Variants in TRAK1 observed in about 807,000 individuals in gnomAD.
The protein encoded by TRAK1 is trafficking kinesin-binding protein 1.
A neutral mutation model predicts 92.1 loss-of-function variants in TRAK1; 33 were observed. The observed-to-expected ratio is 0.36, with a 90% CI of 0.27 to 0.48. The LOEUF is 0.48. Among genes scored for constraint, TRAK1 ranks in the 20% least tolerant of loss-of-function variants. The pLI is 0.99. For synonymous variants in TRAK1, 521 were observed against 517.3 expected (o/e 1.01, Z -0.10); for missense variants, 1,123 against 1,257.9 (o/e 0.89, Z 1.62).
chr3:42,097,773 A>G (rs991901826), intron 1 of TRAK1, among the ~76,000 whole-genome samples: 2 of 152,174 alleles, frequency 1.3e-5, no homozygotes, highest in African/African-American at 4.8e-5. Context: ...TGAACTTTAT[A>G]TCAAGGACTC....
chr3:42,184,491 G>A (rs1480338939), intron 3 of TRAK1, among the ~76,000 whole-genome samples, 194 bp from the exon 4 acceptor site: 1 of 152,098 alleles, frequency 6.6e-6, no homozygotes, highest in African/African-American at 2.4e-5. Context: ...TGATGTCTGT[G>A]TAGCTCTCAC....
chr3:42,224,265 T>C lies in TRAK1; in HGVS notation c.*528T>C. On this transcript the variant is annotated 3_prime_UTR_variant, in exon 16 of 16. Transcript: ENST00000327628. ...GACGTGGCTTTCCTGATCGGAGGGC[T>C]TTTCTTTTATGGGTGGCCCAGCTTC... 3.0e-6 allele frequency: 1 copy of C among 330,434 alleles called. No individual in the cohort carries two copies. The highest frequency in any genetic ancestry group is 5.8e-6 in the Non-Finnish European group (1 of 171,908). The allele number at this position is 330,434 out of a possible 1,614,324, so 20.5% of individuals were successfully genotyped here. A position where few individuals can be genotyped will look rare whatever the true frequency, so the allele number is the denominator to read the frequency against.
chr3:42,100,383 A>G (rs1706575255), intron 1 of TRAK1, among the ~76,000 whole-genome samples: 1 of 152,244 alleles, frequency 6.6e-6, no homozygotes, highest in Non-Finnish European at 1.5e-5. Flanking sequence ...AAATAAAAAA[A>G]TGGTGACAGG....
rs1261482790 is a variant in TRAK1 at position 42,137,485 on chromosome 3, C to G, written c.286+11871C>G. Among the ~76,000 whole-genome samples the G allele has an allele frequency of 3.3e-5, 5 of 152,270 alleles. No individual in the cohort carries two copies. The South Asian group carries it at 1.0e-3, about 32-fold the overall frequency. ...TCATTAGTGAATGTTTGGAAAATAA[C>G]AAACAGGTAATGGTCAGGAAGGTGA... On this transcript the variant is annotated intron_variant, in intron 2 of 15. Coordinates refer to ENST00000327628, the MANE Select transcript of TRAK1 (RefSeq NM_001042646.3).
Position 42,202,957 on chromosome 3 carries a change from T to G in TRAK1, c.1744+205T>G, listed in dbSNP as rs1339676289. 3.2e-5 allele frequency: 45 copies of G among 1,393,162 alleles called. No individual in the cohort carries two copies. The highest frequency in any genetic ancestry group is 4.2e-5 in the Non-Finnish European group (45 of 1,072,832). 86.3% of individuals were successfully genotyped at this position (1,393,162 alleles called of 1,614,324 possible). A position where few individuals can be genotyped will look rare whatever the true frequency, so the allele number is the denominator to read the frequency against. On this transcript the variant is annotated intron_variant, in intron 13 of 15. Coordinates refer to ENST00000327628, the MANE Select transcript of TRAK1 (RefSeq NM_001042646.3). This position sits in a 1 kb window ranked among gnomAD's most constrained non-coding sequence, Gnocchi z 6.1. ...CCCCTCTGGCTGGCAGGTGTGACAATGCACACATAGGCCATGAAACTCGCC... is the reference window on the plus strand; with the variant it reads ...CCCCTCTGGCTGGCAGGTGTGACAAGGCACACATAGGCCATGAAACTCGCC...
intron 1 of TRAK1, among the ~76,000 whole-genome samples, chr3:42,081,266 CTGCA>C (rs1704425643): frequency 6.6e-6 from 1 of 152,180 alleles, no homozygotes; most frequent in Non-Finnish European, 1.5e-5. Flanking sequence ...GGGCTGTGGT[CTGCA>C]TACTTGGAAC....
At chr3:42,039,414 A>C (rs887429769) in intron 1 of TRAK1, among the ~76,000 whole-genome samples, 1 of 152,144 alleles carries the variant, frequency 6.6e-6, no homozygotes, top group African/African-American at 2.4e-5. Context: ...CCCAGGCTGG[A>C]GTGCAATGGC....
At chr3:42,151,546 T>A in intron 2 of TRAK1, 1 of 298,786 alleles carries the variant, frequency 3.3e-6, no homozygotes, top group Non-Finnish European at 6.5e-6. Flanking sequence ...AGAAGGTTTT[T>A]GAGACAGAAT....
Position 42,184,762 on chromosome 3 carries a change from C to G in TRAK1, c.441C>G (p.Asn147Lys), listed in dbSNP as rs747039605. ...LKKNKTLTER[N>K]ELLEEQVEHI... Reference sequence around the variant, plus strand: ...AGAACAAGACCCTAACCGAGAGGAACGAGCTGCTGGAGGAGCAGGTGGAAC... The same window carrying G: ...AGAACAAGACCCTAACCGAGAGGAAGGAGCTGCTGGAGGAGCAGGTGGAAC... The change falls in exon 4 of 16, where the codon AAC becomes AAG. Residue 147 changes from asparagine (N) to lysine (K), a missense_variant. Transcript: ENST00000327628. 7 of 1,614,018 alleles carry G rather than the reference C, an allele frequency of 4.3e-6. No individual in the cohort carries two copies. The highest frequency in any genetic ancestry group is 2.2e-5 in the East Asian group (1 of 44,874).
intron 1 of TRAK1, among the ~76,000 whole-genome samples, chr3:42,105,696 C>G (rs763772585): frequency 6.6e-6 from 1 of 152,090 alleles, no homozygotes; most frequent in Non-Finnish European, 1.5e-5. Context: ...TCAAGAAGAA[C>G]AACCCCAAGA....
In TRAK1 at chr3:42,020,724, G is replaced by A. The variant is rs188698327; in HGVS notation, c.-519+6607G>A. The stretch of plus-strand genomic sequence containing the variant: ...GTTTTCCAAGTGTTCATTCTTCTCT[G>A]GATTTGGTATATGAGACTTCCAGAA... On this transcript the variant is annotated intron_variant, in intron 1 of 16. Coordinates refer to the TRAK1 transcript ENST00000487159. 2.9e-4 allele frequency among the ~76,000 whole-genome samples: 44 copies of A among 152,264 alleles called. 1 individual carries two copies. Among genetic ancestry groups the A allele is most frequent in the Non-Finnish European group, 1.5e-5 (1 of 68,012 alleles).
In TRAK1 at chr3:42,091,381, G is replaced by C; in HGVS notation, c.-89G>C. 1 of 1,173,736 alleles carries C rather than the reference G, an allele frequency of 8.5e-7. No homozygotes were observed. Among genetic ancestry groups the C allele is most frequent in the Admixed American group, 2.3e-5 (1 of 44,378 alleles). The allele number at this position is 1,173,736 out of a possible 1,614,324, so 72.7% of individuals were successfully genotyped here. ...CAGAAAACTGCTGAGGAAGGCACGG[G>C]AGGGTGGCTGTGCGAGGTACTGCCG... On this transcript the variant is annotated 5_prime_UTR_variant, in exon 1 of 16. Coordinates refer to ENST00000327628, the MANE Select transcript of TRAK1 (RefSeq NM_001042646.3).
intron 2 of TRAK1, chr3:42,160,558 G>T (rs565141736): frequency 7.9e-4 from 856 of 1,079,016 alleles, no homozygotes; most frequent in Non-Finnish European, 9.0e-4. Flanking sequence ...TCATAGCACT[G>T]TTTTGTTTTT....
chr3:42,090,832 T>G (rs1704985939), upstream of TRAK1, among the ~76,000 whole-genome samples: 1 of 152,190 alleles, frequency 6.6e-6, no homozygotes, highest in South Asian at 2.1e-4. Flanking sequence ...GCTGTTGTGT[T>G]TAGCACTGGC....
chr3:42,112,913 G>A (rs7430267), intron 1 of TRAK1, among the ~76,000 whole-genome samples: 2,359 of 152,170 alleles, frequency 0.016, 67 homozygotes, highest in African/African-American at 0.054. Flanking sequence ...TGGGGCTACA[G>A]GTGTGTGCCA....
upstream of TRAK1, among the ~76,000 whole-genome samples, chr3:42,085,573 G>A (rs1169929177): frequency 6.6e-6 from 1 of 152,204 alleles, no homozygotes; most frequent in African/African-American, 2.4e-5. Context: ...AACCTGTTGG[G>A]AAAAAGGTCA....
At chr3:42,097,224 A>C (rs1282021607) in intron 1 of TRAK1, among the ~76,000 whole-genome samples, 1 of 152,234 alleles carries the variant, frequency 6.6e-6, no homozygotes, top group East Asian at 1.9e-4. Context: ...TTAATTCCCT[A>C]TTGTAAGACA....
At chr3:42,095,665 T>G (rs1033270894) in intron 1 of TRAK1, among the ~76,000 whole-genome samples, 1 of 152,222 alleles carries the variant, frequency 6.6e-6, no homozygotes, top group East Asian at 1.9e-4. Flanking sequence ...CACATACTAT[T>G]ACCTTATTCT....
chr3:42,165,385 C>T (rs1701737347), intron 2 of TRAK1, among the ~76,000 whole-genome samples: 1 of 152,242 alleles, frequency 6.6e-6, no homozygotes. Context: ...CCTTCTGTGT[C>T]TATGTCCAGT....
Sources: allele counts gnomAD v4.1 joint callset (sites outside exome capture counted in the v4.1 genomes callset), GRCh38; gene constraint gnomAD v4.1.1; non-coding constraint Gnocchi (gnomAD v3.1); transcripts MANE v1.5; gene names NCBI Gene and HGNC (gene_info 2026-07-23, HGNC 2026-07-21).